Variants in RAB7A observed in about 807,000 individuals in gnomAD.
RAB7A encodes the protein RAB7A, member RAS oncogene family, also known as ras-related protein Rab-7a.
In RAB7A, 2 loss-of-function variants were observed where a neutral mutation model predicts 24.5. That is an observed-to-expected ratio of 0.08 (90% CI 0.03 to 0.26). RAB7A has a LOEUF of 0.26. RAB7A is among the 10% of genes least tolerant of loss of function. The pLI, the probability that RAB7A is intolerant of heterozygous loss-of-function variation, is 1.00. For synonymous variants in RAB7A, 100 were observed against 95.9 expected, an observed-to-expected ratio of 1.04 and a Z score of -0.25; for missense variants, 118 against 255.7, an observed-to-expected ratio of 0.46 and a Z score of 3.67.
At chr3:128,807,375 G>T (rs930457210) in intron 4 of RAB7A, among the ~76,000 whole-genome samples, 168 bp from the exon 5 acceptor site, 1 of 152,102 alleles carries the variant, frequency 6.6e-6, no homozygotes, top group African/African-American at 2.4e-5. Context: ...TAGCTAGCAG[G>T]ACAAGTTTGG....
intron 1 of RAB7A, among the ~76,000 whole-genome samples, chr3:128,745,589 T>C (rs7612117): frequency 0.28 from 42,086 of 152,014 alleles, 7,490 homozygotes; most frequent in African/African-American, 0.5. Flanking sequence ...TGGTCTCGAA[T>C]TCCTGACCTC....
intron 5 of RAB7A, among the ~76,000 whole-genome samples, chr3:128,812,619 C>G (rs997497697): frequency 2.0e-5 from 3 of 152,210 alleles, no homozygotes; most frequent in Non-Finnish European, 4.4e-5. Flanking sequence ...GAATGCTGCT[C>G]CTCATTGGAA....
chr3:128,776,071 C>T (rs977045757), intron 1 of RAB7A, among the ~76,000 whole-genome samples: 1 of 152,126 alleles, frequency 6.6e-6, no homozygotes, highest in Non-Finnish European at 1.5e-5. Flanking sequence ...CTGGTAACTA[C>T]CATTTTACTC....
intron 4 of RAB7A, 70 bp from the exon 5 acceptor site, chr3:128,807,473 C>G (rs1013953031): frequency 6.2e-7 from 1 of 1,608,818 alleles, no homozygotes. Context: ...CATGACACTT[C>G]CTGGGGAGGA....
At chr3:128,800,065 C>G (rs1407166192) in intron 3 of RAB7A, among the ~76,000 whole-genome samples, 3 of 152,094 alleles carry the variant, frequency 2.0e-5, no homozygotes, top group African/African-American at 7.2e-5. Flanking sequence ...GCTAAAGGAA[C>G]AGTTAAACTG....
At chr3:128,789,895 A>G (rs1263956925) in intron 1 of RAB7A, among the ~76,000 whole-genome samples, 4 of 150,332 alleles carry the variant, frequency 2.7e-5, no homozygotes, top group Non-Finnish European at 5.9e-5. Context: ...GGTTCAAGCG[A>G]TTCTCCTGCC....
intron 1 of RAB7A, among the ~76,000 whole-genome samples, chr3:128,787,635 T>C (rs1277599395): frequency 6.6e-6 from 1 of 152,254 alleles, no homozygotes; most frequent in Non-Finnish European, 1.5e-5. Flanking sequence ...GATATAGTAA[T>C]CCTCTTTATC....
At chr3:128,773,203 C>T (rs1215330123) in intron 1 of RAB7A, among the ~76,000 whole-genome samples, 3 of 151,658 alleles carry the variant, frequency 2.0e-5, no homozygotes, top group East Asian at 3.9e-4. Context: ...TGCCCGGCCG[C>T]GACCCCGTCT....
chr3:128,764,787 A>G, intron 1 of RAB7A: 1 of 854,912 alleles, frequency 1.2e-6, no homozygotes, highest in Non-Finnish European at 2.0e-6. Flanking sequence ...TTTGGCCACC[A>G]CGATAGTTTT....
intron 1 of RAB7A, among the ~76,000 whole-genome samples, chr3:128,734,011 A>G (rs1435344432): frequency 6.6e-6 from 1 of 152,192 alleles, no homozygotes; most frequent in Non-Finnish European, 1.5e-5. Context: ...TTATGGCACC[A>G]TGGTACAGCT....
Position 128,802,546 on chromosome 3 carries a change from T to G in RAB7A, c.181-3826T>G, listed in dbSNP as rs1014357998. Among the ~76,000 whole-genome samples, 29 of 152,212 alleles carry G rather than the reference T, an allele frequency of 1.9e-4. 1 individual carries two copies. The highest frequency in any genetic ancestry group is 7.9e-4 in the Admixed American group (12 of 15,284). ...TTATTTTTGAGATGGAGTCTCACTC[T>G]GTCGCCCAGGCTGGAGTGCAGTGGC... On this transcript the variant is annotated intron_variant, in intron 3 of 5. Coordinates refer to ENST00000265062, the MANE Select transcript of RAB7A (RefSeq NM_004637.6).
At chr3:128,728,157 C>T (rs1274911792) in intron 1 of RAB7A, among the ~76,000 whole-genome samples, 1 of 152,110 alleles carries the variant, frequency 6.6e-6, no homozygotes, top group East Asian at 1.9e-4. Flanking sequence ...GGTTCCTGTC[C>T]TCAAGGAATT....
At chr3:128,747,517 C>T (rs996382968) in intron 1 of RAB7A, among the ~76,000 whole-genome samples, 2 of 150,434 alleles carry the variant, frequency 1.3e-5, no homozygotes, top group African/African-American at 5.0e-5. Context: ...ACCCAGGAGG[C>T]GGAGGTTGCA....
At chr3:128,788,627 A>G (rs143105428) in intron 1 of RAB7A, among the ~76,000 whole-genome samples, 1,791 of 152,328 alleles carry the variant, frequency 0.012, 33 homozygotes, top group African/African-American at 0.038. Context: ...CTGCAACACC[A>G]TAAAGCCTTC....
At chr3:128,742,295 AT>A (rs1400444451) in intron 1 of RAB7A, among the ~76,000 whole-genome samples, 3 of 152,172 alleles carry the variant, frequency 2.0e-5, no homozygotes, top group Non-Finnish European at 4.4e-5. Context: ...GTTATAGCTC[AT>A]AAAGGCAGTG....
At chr3:128,763,837 C>T (rs1253075761) in intron 1 of RAB7A, among the ~76,000 whole-genome samples, 1 of 150,400 alleles carries the variant, frequency 6.6e-6, no homozygotes, top group Admixed American at 6.6e-5. Context: ...TACATTCCTT[C>T]TACTGGCATT....
intron 1 of RAB7A, among the ~76,000 whole-genome samples, chr3:128,777,100 A>G (rs992301460): frequency 1.8e-4 from 28 of 152,196 alleles, no homozygotes; most frequent in East Asian, 1.5e-3. Context: ...AGTTCCTTAT[A>G]TGTTTAGGGT....
chr3:128,783,352 T>A (rs1408636466), intron 1 of RAB7A, among the ~76,000 whole-genome samples: 1 of 151,662 alleles, frequency 6.6e-6, no homozygotes, highest in Non-Finnish European at 1.5e-5. Flanking sequence ...TGCTCTTGCG[T>A]TTGAGGGAGT....
At chr3:128,811,617 A>T (rs550396156) in intron 5 of RAB7A, among the ~76,000 whole-genome samples, 2 of 152,336 alleles carry the variant, frequency 1.3e-5, no homozygotes, top group South Asian at 4.1e-4. Context: ...TGGGAGGCTG[A>T]GGCCGGAGGA....
Sources: allele counts gnomAD v4.1 joint callset (sites outside exome capture counted in the v4.1 genomes callset), GRCh38; gene constraint gnomAD v4.1.1; transcripts MANE v1.5; gene names NCBI Gene and HGNC (gene_info 2026-07-23, HGNC 2026-07-21).